Variants in DOCK1 observed in about 807,000 individuals in gnomAD.
DOCK1 encodes dedicator of cytokinesis protein 1.
Under a neutral mutation model 262.7 loss-of-function variants are expected in DOCK1, and 138 were observed. The observed-to-expected ratio is 0.53, with a 90% CI of 0.46 to 0.61. The LOEUF (loss-of-function observed/expected upper bound fraction) is 0.61, where lower values mean the gene tolerates loss of function less well. Ranked by LOEUF, DOCK1 falls within the 20% of genes least tolerant of loss-of-function variation. The pLI, the probability that DOCK1 is intolerant of heterozygous loss-of-function variation, is 0.00. For missense variants in DOCK1, 1,908 were observed against 2,370.7 expected, an observed-to-expected ratio of 0.80 and a Z score of 4.05; for synonymous variants, 866 against 867.4, an observed-to-expected ratio of 1.00 and a Z score of 0.03.
intron 28 of DOCK1, among the ~76,000 whole-genome samples, chr10:127,256,459 C>T (rs1336300123): frequency 1.3e-5 from 2 of 152,266 alleles, no homozygotes; most frequent in South Asian, 2.1e-4. Flanking sequence ...AGACAGTTCT[C>T]GGTTGTCTTT....
chr10:127,076,238 G>A lies in DOCK1; in HGVS notation c.2445+14462G>A, dbSNP rs142165661. 7.0e-4 allele frequency among the ~76,000 whole-genome samples: 107 copies of A among 152,270 alleles called. No individual in the cohort carries two copies. In the East Asian group the frequency reaches 8.3e-3, roughly 12 times the overall value. On this transcript the variant is annotated intron_variant, in intron 23 of 51. Transcript: ENST00000623213. ...AAATATCGGCCAGGCACGGTGGCTC[G>A]TGCCTGTAATCCCGGCACTTTGGGA...
At chr10:127,229,440 A>T (rs2058759608) in intron 27 of DOCK1, among the ~76,000 whole-genome samples, 5 of 152,102 alleles carry the variant, frequency 3.3e-5, no homozygotes, top group African/African-American at 1.2e-4. Context: ...TTCTGCTTCT[A>T]TGAGTTCGAC....
intron 5 of DOCK1, among the ~76,000 whole-genome samples, chr10:126,989,313 C>G (rs1290139154): frequency 6.6e-6 from 1 of 151,834 alleles, no homozygotes; most frequent in East Asian, 1.9e-4. Flanking sequence ...GGGACCATGA[C>G]ATTTAGATAC....
chr10:127,416,402 C>T (rs1428966214), intron 44 of DOCK1, among the ~76,000 whole-genome samples: 3 of 152,198 alleles, frequency 2.0e-5, no homozygotes, highest in Admixed American at 6.5e-5. Flanking sequence ...GGCCGTGATC[C>T]TCTTAATCAC....
intron 29 of DOCK1, among the ~76,000 whole-genome samples, chr10:127,282,265 T>C (rs2135288061): frequency 6.6e-6 from 1 of 152,220 alleles, no homozygotes; most frequent in South Asian, 2.1e-4. Flanking sequence ...TCTCTCTCTC[T>C]CTGTCTCTCA....
intron 1 of DOCK1, among the ~76,000 whole-genome samples, chr10:126,952,903 G>A (rs1206734904): frequency 3.4e-5 from 1 of 29,070 alleles, no homozygotes; most frequent in Non-Finnish European, 7.7e-5. Flanking sequence ...AGGTGATGGT[G>A]GTGGTGATAG....
At chr10:127,381,891 CT>C (rs966100204) in intron 37 of DOCK1, among the ~76,000 whole-genome samples, 47 of 152,308 alleles carry the variant, frequency 3.1e-4, no homozygotes, top group African/African-American at 1.1e-3. Context: ...TGACAACTGT[CT>C]ACTCTTAGTG....
At chr10:127,230,042 A>G (rs1179445577) in intron 27 of DOCK1, among the ~76,000 whole-genome samples, 2 of 152,178 alleles carry the variant, frequency 1.3e-5, no homozygotes, top group Admixed American at 1.3e-4. Context: ...ATATCTATCC[A>G]GTGATCACCT....
intron 27 of DOCK1, among the ~76,000 whole-genome samples, chr10:127,168,581 T>A (rs1329286904): frequency 1.3e-5 from 2 of 152,186 alleles, no homozygotes; most frequent in African/African-American, 4.8e-5. Flanking sequence ...ACCCACCTCC[T>A]CTCCTCAAAA....
At chr10:127,288,905 T>C (rs575689206) in intron 29 of DOCK1, among the ~76,000 whole-genome samples, 1 of 152,106 alleles carries the variant, frequency 6.6e-6, no homozygotes, top group East Asian at 1.9e-4. Context: ...GTCATGTTTC[T>C]CAGGCACTTG....
intron 28 of DOCK1, among the ~76,000 whole-genome samples, chr10:127,250,226 A>G (rs1208452414): frequency 2.0e-5 from 3 of 152,228 alleles, no homozygotes; most frequent in Non-Finnish European, 2.9e-5. Flanking sequence ...CAATCACTTC[A>G]TAAAAGTCCC....
At chr10:127,162,978 T>C (rs1453681479) in intron 27 of DOCK1, among the ~76,000 whole-genome samples, 1 of 152,204 alleles carries the variant, frequency 6.6e-6, no homozygotes, top group Non-Finnish European at 1.5e-5. Context: ...ACTCCTTCCA[T>C]GGGACTGTTC....
At chr10:127,063,890 A>G (rs1229159551) in intron 23 of DOCK1, among the ~76,000 whole-genome samples, 1 of 152,186 alleles carries the variant, frequency 6.6e-6, no homozygotes, top group African/African-American at 2.4e-5. Flanking sequence ...GTGTGCATTG[A>G]TGCAAACCTT....
At chr10:127,235,571 T>TA (rs1160447705) in intron 27 of DOCK1, among the ~76,000 whole-genome samples, 1 of 152,220 alleles carries the variant, frequency 6.6e-6, no homozygotes, top group African/African-American at 2.4e-5. Context: ...GTGGCAATTA[T>TA]GAAGAAAGCT....
At chr10:127,432,698 G>A (rs2069382917) in intron 47 of DOCK1, among the ~76,000 whole-genome samples, 2 of 152,144 alleles carry the variant, frequency 1.3e-5, no homozygotes, top group Admixed American at 1.3e-4. Flanking sequence ...TTGGCACAAT[G>A]CATCACTAGT....
At chr10:126,936,608 C>T (rs1413739284) in intron 1 of DOCK1, among the ~76,000 whole-genome samples, 2 of 152,116 alleles carry the variant, frequency 1.3e-5, no homozygotes, top group Non-Finnish European at 2.9e-5. Flanking sequence ...GTAGTTTGCC[C>T]ACCTCTGGTA....
At chr10:127,170,831 A>G (rs1162150571) in intron 27 of DOCK1, among the ~76,000 whole-genome samples, 2 of 152,238 alleles carry the variant, frequency 1.3e-5, no homozygotes, top group South Asian at 2.1e-4. Context: ...AGACACAAGC[A>G]TAATACTAAG....
intron 1 of DOCK1, among the ~76,000 whole-genome samples, chr10:126,948,909 G>A (rs1158278821): frequency 1.3e-5 from 2 of 152,122 alleles, no homozygotes; most frequent in Non-Finnish European, 2.9e-5. Flanking sequence ...GCGTGAGAAG[G>A]CAGGTCTGGA....
rs778846152 is a variant in DOCK1, at chr10:127,100,651, G to A, written c.2446-5580G>A. 1.3e-5 allele frequency among the ~76,000 whole-genome samples: 2 copies of A among 152,246 alleles called. No homozygotes were observed. Among genetic ancestry groups the A allele is most frequent in the East Asian group, 3.9e-4 (2 of 5,164 alleles). On this transcript the variant is annotated intron_variant, in intron 23 of 51. Coordinates refer to ENST00000623213, the MANE Select transcript of DOCK1 (RefSeq NM_001290223.2). This position sits in a 1 kb window ranked among gnomAD's most constrained non-coding sequence, Gnocchi z 5.5. ...CCGAGGAACCCACAGGCAAGGGGCT[G>A]GGGGAGCAGGGCCCTGCGCAGGGAG...
Sources: allele counts gnomAD v4.1 joint callset (sites outside exome capture counted in the v4.1 genomes callset), GRCh38; gene constraint gnomAD v4.1.1; non-coding constraint Gnocchi (gnomAD v3.1); transcripts MANE v1.5; gene names NCBI Gene and HGNC (gene_info 2026-07-23, HGNC 2026-07-21).